Variants in HERC1 observed in about 807,000 individuals in gnomAD.
HERC1 encodes probable E3 ubiquitin-protein ligase HERC1.
Under a neutral mutation model 554.3 loss-of-function variants are expected in HERC1, and 160 were observed. The observed-to-expected ratio is 0.29, with a 90% CI of 0.25 to 0.33. HERC1 has a LOEUF of 0.33. HERC1 is among the 10% of genes least tolerant of loss of function. The pLI, the probability that HERC1 is intolerant of heterozygous loss-of-function variation, is 1.00. For missense variants in HERC1, 4,919 were observed against 5,918.5 expected, an observed-to-expected ratio of 0.83 and a Z score of 5.54; for synonymous variants, 2,175 against 2,131.7, an observed-to-expected ratio of 1.02 and a Z score of -0.56.
At chr15:63,721,780 T>A (rs1394239655) in intron 19 of HERC1, among the ~76,000 whole-genome samples, 3 of 152,068 alleles carry the variant, frequency 2.0e-5, no homozygotes, top group Non-Finnish European at 4.4e-5. Context: ...ACAATCCCGA[T>A]CATCGTTAAA....
At position 63,754,143 on chromosome 15, in the gene HERC1, T is replaced by C. The variant is rs557703469; in HGVS notation, c.1774+362A>G. 2.3e-3 allele frequency among the ~76,000 whole-genome samples: 351 copies of C among 151,224 alleles called. 1 individual carries two copies. The highest frequency in any genetic ancestry group is 8.0e-3 in the African/African-American group (331 of 41,164). ...GAGCCAGGTTTGCATCACTGCACTCTAGCCTGGGTAACAAAGCAAGACCCT... is the reference window on the plus strand; with the variant it reads ...GAGCCAGGTTTGCATCACTGCACTCCAGCCTGGGTAACAAAGCAAGACCCT... On this transcript the variant is annotated intron_variant, in intron 7 of 77. Coordinates refer to ENST00000443617, the MANE Select transcript of HERC1 (RefSeq NM_003922.4).
chr15:63,727,061 A>T lies in HERC1; in HGVS notation c.3346+586T>A, dbSNP rs2140836010. 6.6e-6 allele frequency among the ~76,000 whole-genome samples: 1 copy of T among 152,064 alleles called. No homozygotes were observed. The highest frequency in any genetic ancestry group is 2.1e-4 in the South Asian group (1 of 4,822). On this transcript the variant is annotated intron_variant, in intron 17 of 77. Coordinates refer to ENST00000443617, the MANE Select transcript of HERC1 (RefSeq NM_003922.4). The surrounding 1 kb of genome is among the most constrained non-coding windows in gnomAD (Gnocchi z 4.3). ...GGGAGGCTGAGGTGGGCGGATCACA[A>T]GGTCAGGAGTTCAAGAACAGCCTGG...
chr15:63,799,352 T>C (rs549229525), intron 1 of HERC1, among the ~76,000 whole-genome samples: 1 of 151,958 alleles, frequency 6.6e-6, no homozygotes, highest in South Asian at 2.1e-4. Flanking sequence ...ATTAAAAAAT[T>C]AGCCAGGCAT....
At position 63,659,989 on chromosome 15, in the gene HERC1, T is replaced by C; in HGVS notation, c.9224-53A>G. 3.7e-6 allele frequency: 5 copies of C among 1,353,570 alleles called. No individual in the cohort carries two copies. In the South Asian group the frequency reaches 5.0e-5, roughly 13 times the overall value. 83.8% of individuals were successfully genotyped at this position (1,353,570 alleles called of 1,614,324 possible). A position where few individuals can be genotyped will look rare whatever the true frequency, so the allele number is the denominator to read the frequency against. ...TATGTGAATTTAAATATTACATAAA[T>C]CTGCTGGCAATGGTTGTTCTGAAAA... On this transcript the variant is annotated intron_variant, in intron 46 of 77. Coordinates refer to ENST00000443617, the MANE Select transcript of HERC1 (RefSeq NM_003922.4).
intron 3 of HERC1, among the ~76,000 whole-genome samples, chr15:63,763,299 T>A (rs903946589): frequency 5.9e-5 from 9 of 152,298 alleles, no homozygotes; most frequent in African/African-American, 2.2e-4. Context: ...CATCAAGGGC[T>A]AATACCACAA....
rs1020321438 is a variant in HERC1, at chr15:63,749,815, C to T, written c.1903-24G>A. On this transcript the variant is annotated intron_variant, in intron 8 of 77. Coordinates refer to ENST00000443617, the MANE Select transcript of HERC1 (RefSeq NM_003922.4). This position sits in a 1 kb window ranked among gnomAD's most constrained non-coding sequence, Gnocchi z 4.1. The stretch of plus-strand genomic sequence containing the variant: ...ACCTGAAAAAAACAGAAATACGTTA[C>T]ACATAACTTCCTGAGATGATTAGAT... 1.3e-6 allele frequency: 2 copies of T among 1,516,268 alleles called. No homozygotes were observed. The highest frequency in any genetic ancestry group is 4.7e-5 in the Admixed American group (2 of 43,004). 93.9% of individuals were successfully genotyped at this position (1,516,268 alleles called of 1,614,324 possible).
chr15:63,747,052 T>G lies in HERC1; in HGVS notation c.2386A>C (p.Lys796Gln). The change falls in exon 12 of 78, where the codon AAG (lysine) becomes CAG (glutamine). Residue 796 changes from lysine to glutamine, a missense_variant. Physicochemically the swap from Lys to Gln is moderately conservative, Grantham distance 53. This residue lies in a region of HERC1 where 744 missense variants were observed against 1,090.0 expected (regional missense o/e 0.68). Transcript: ENST00000443617. ...AGAGCAAGGTGATTTGAAAGTAGCT[T>G]CAGGCACAGCTTGAGAAAACTGTGG... is the stretch of plus-strand genomic sequence containing the variant. ...EHHSFLKLCL[K>Q]LLSNHLALAL... 1 of 1,597,994 alleles carries G rather than the reference T, an allele frequency of 6.3e-7. No individual in the cohort carries two copies. The highest frequency in any genetic ancestry group is 8.5e-7 in the Non-Finnish European group (1 of 1,172,430).
chr15:63,631,933 T>C (rs1307784842), intron 68 of HERC1, among the ~76,000 whole-genome samples: 1 of 152,222 alleles, frequency 6.6e-6, no homozygotes, highest in Admixed American at 6.5e-5. Flanking sequence ...TCTCTCTCTC[T>C]GGGTTTTTTA....
intron 12 of HERC1, among the ~76,000 whole-genome samples, chr15:63,745,443 TCAG>T (rs767629503): frequency 1.3e-5 from 2 of 152,218 alleles, no homozygotes; most frequent in Non-Finnish European, 2.9e-5. Flanking sequence ...ATCACTGGGA[TCAG>T]CAGTTCCCCT....
intron 38 of HERC1, among the ~76,000 whole-genome samples, chr15:63,673,976 C>T (rs560588491): frequency 3.3e-5 from 5 of 152,280 alleles, no homozygotes; most frequent in African/African-American, 7.2e-5. Context: ...CTGCCCACCT[C>T]GGCCTCCCAA....
In HERC1 at chr15:63,660,508, T is replaced by C. The variant is rs149195507; in HGVS notation, c.9223+465A>G. Among the ~76,000 whole-genome samples the C allele has an allele frequency of 5.3e-5, 8 of 152,246 alleles. No homozygotes were observed. In the East Asian group the frequency reaches 7.7e-4, roughly 15 times the overall value. ...ATGTAGTTAAATAAGTTGACAGCAATAGCAAATGCTACAGCTGGTAATAGA... is the reference window on the plus strand; with the variant it reads ...ATGTAGTTAAATAAGTTGACAGCAACAGCAAATGCTACAGCTGGTAATAGA... On this transcript the variant is annotated intron_variant, in intron 46 of 77. Transcript: ENST00000443617.
intron 1 of HERC1, among the ~76,000 whole-genome samples, chr15:63,784,865 C>T (rs1163166695): frequency 6.6e-6 from 1 of 152,202 alleles, no homozygotes; most frequent in African/African-American, 2.4e-5. Flanking sequence ...CCCACCTCGG[C>T]CTCCCAAAGT....
At chr15:63,666,275 A>G in intron 41 of HERC1, 81 bp downstream of exon 41, 1 of 1,376,042 alleles carries the variant, frequency 7.3e-7, no homozygotes, top group Middle Eastern at 1.8e-4. Context: ...CAAGTTTCAT[A>G]GCCTCTTAAA....
At position 63,727,735 on chromosome 15, in the gene HERC1, G is replaced by C. The variant is rs530606514; in HGVS notation, c.3258C>G (p.Leu1086=). 38 of 1,613,872 alleles carry C rather than the reference G, an allele frequency of 2.4e-5. 1 individual carries two copies. The Middle Eastern group carries it at 6.6e-4, about 28-fold the overall frequency. ...SVARPLLSYL[L]DLLPPLDCLN... ...GGCAATCAAGAGGTGGCAACAAGTC[G>C]AGGAGGTAACTCAATAAAGGCCGAG... is the stretch of plus-strand genomic sequence containing the variant. Residue 1086 remains leucine (L), a synonymous_variant, in exon 17 of 78, where the codon CTC becomes CTG. Coordinates refer to ENST00000443617, the MANE Select transcript of HERC1 (RefSeq NM_003922.4). The surrounding 1 kb of genome is among the most constrained non-coding windows in gnomAD (Gnocchi z 4.3).
chr15:63,711,467 T>C (rs549886640), intron 24 of HERC1, among the ~76,000 whole-genome samples: 1 of 152,276 alleles, frequency 6.6e-6, no homozygotes, highest in Non-Finnish European at 1.5e-5. Context: ...GAGATATTAA[T>C]GCAGATGAAG....
Position 63,656,079 on chromosome 15 carries a change from G to T in HERC1, c.9870+9C>A. Reference sequence around the variant, plus strand: ...AATGTAACGGGGAAAAGTACTGAAAGTAGCTTACCTGTGTACACAACTGTA... The same window carrying T: ...AATGTAACGGGGAAAAGTACTGAAATTAGCTTACCTGTGTACACAACTGTA... On this transcript the variant is annotated intron_variant, in intron 49 of 77. Coordinates refer to ENST00000443617, the MANE Select transcript of HERC1 (RefSeq NM_003922.4). The T allele has an allele frequency of 6.2e-7, 1 of 1,609,582 alleles. No individual in the cohort carries two copies. Among genetic ancestry groups the T allele is most frequent in the Non-Finnish European group, 8.5e-7 (1 of 1,176,598 alleles).
At chr15:63,829,448 G>GTA in intron 1 of HERC1, among the ~76,000 whole-genome samples, 1 of 131,688 alleles carries the variant, frequency 7.6e-6, no homozygotes, top group Non-Finnish European at 1.6e-5. Context: ...GTCAGTATGT[G>GTA]TGTGTGTGTG....
At chr15:63,689,146 C>CG (rs1285021615) in intron 33 of HERC1, among the ~76,000 whole-genome samples, 2 of 151,888 alleles carry the variant, frequency 1.3e-5, no homozygotes, top group Non-Finnish European at 2.9e-5. Flanking sequence ...CGGGAGAAAG[C>CG]GTTTTGAAAA....
chr15:63,805,545 T>C (rs539982756), intron 1 of HERC1, among the ~76,000 whole-genome samples: 2 of 152,316 alleles, frequency 1.3e-5, no homozygotes, highest in African/African-American at 4.8e-5. Flanking sequence ...AAAGAGACTA[T>C]ATGATGATTG....
Sources: gnomAD v4.1 joint callset for allele counts (sites outside exome capture counted in the v4.1 genomes callset) on GRCh38, gnomAD v4.1.1 for gene constraint, gnomAD v4.1.1 regional missense constraint, Gnocchi (gnomAD v3.1) non-coding constraint, MANE v1.5 for transcripts, NCBI Gene and HGNC (gene_info 2026-07-23, HGNC 2026-07-21) for gene names.